DRC4: variants seen among roughly 807,000 people sequenced by gnomAD.
DRC4 encodes the protein GAS-11.
the DRC4 span, among the ~76,000 whole-genome samples, chr16:90,041,539 C>A: frequency 6.6e-6 from 1 of 152,188 alleles, no homozygotes. Context: ...GGCGCGGTGG[C>A]TCACGCCTGT....
the DRC4 span, chr16:90,037,549 G>C: frequency 2.7e-6 from 3 of 1,091,688 alleles, no homozygotes; most frequent in Non-Finnish European, 4.0e-6. Context: ...GTGTTCTCCT[G>C]GGGAAAGTAA....
the DRC4 span, chr16:90,042,563 G>A: frequency 2.5e-6 from 4 of 1,599,604 alleles, no homozygotes; most frequent in African/African-American, 1.3e-5. Flanking sequence ...CCTCCCTCAG[G>A]GGCACCCCCT....
chr16:90,043,860 G>A, the DRC4 span: 2 of 464,642 alleles, frequency 4.3e-6, no homozygotes, highest in South Asian at 1.6e-5. Context: ...GGGCTGGGTG[G>A]GTGCAGCCAG....
chr16:90,042,169 CAA>C, the DRC4 span: 1 of 477,418 alleles, frequency 2.1e-6, no homozygotes, highest in Non-Finnish European at 4.1e-6. Flanking sequence ...CTCCTGACCT[CAA>C]GTGATCTGCC....
chr16:90,031,087 T>G, the DRC4 span: 32 of 1,123,516 alleles, frequency 2.8e-5, no homozygotes, highest in Non-Finnish European at 3.7e-5. Flanking sequence ...TTTATGATTA[T>G]TGGCCAAATT....
the DRC4 span, chr16:90,042,223 G>T: frequency 1.8e-6 from 1 of 556,368 alleles, no homozygotes; most frequent in African/African-American, 1.9e-5. Flanking sequence ...GGTGTGAGCG[G>T]CAGTGCCTGG....
chr16:90,043,140 CTGG>C, the DRC4 span: 1 of 1,564,230 alleles, frequency 6.4e-7, no homozygotes, highest in Non-Finnish European at 8.7e-7. Flanking sequence ...GCACTCAGCT[CTGG>C]TGGTCCTGAG....
At chr16:90,027,761 G>T in the DRC4 span, 23 of 1,567,642 alleles carry the variant, frequency 1.5e-5, no homozygotes, top group East Asian at 1.8e-4. Context: ...CCGGGTGGGC[G>T]TGGGCGGGCA....
the DRC4 span, chr16:90,033,067 A>T: frequency 2.4e-6 from 2 of 842,418 alleles, no homozygotes; most frequent in African/African-American, 3.4e-5. Flanking sequence ...TTGTTGAAAA[A>T]AAATTTTTTA....
At chr16:90,026,173 C>T in the DRC4 span, among the ~76,000 whole-genome samples, 21,776 of 152,016 alleles carry the variant, frequency 0.14, 2,568 homozygotes, top group East Asian at 0.62. Context: ...CTGAAGACTA[C>T]TGGGAGTAGC....
the DRC4 span, among the ~76,000 whole-genome samples, chr16:90,027,234 CACCG>C: frequency 6.6e-6 from 1 of 151,942 alleles, no homozygotes; most frequent in African/African-American, 2.4e-5. Context: ...TACAGGCGCC[CACCG>C]GCACGCCCGG....
the DRC4 span, chr16:90,043,096 C>T: frequency 2.2e-6 from 3 of 1,347,844 alleles, no homozygotes; most frequent in East Asian, 2.4e-5. Context: ...TATCCTTCTG[C>T]ACCGTGATGC....
chr16:90,041,961 G>A, the DRC4 span, among the ~76,000 whole-genome samples: 23 of 152,042 alleles, frequency 1.5e-4, no homozygotes, highest in South Asian at 2.1e-4. Flanking sequence ...TTCTTGAGAC[G>A]GTGTCTTGCT....
chr16:90,024,403 A>C, the DRC4 span, among the ~76,000 whole-genome samples: 2 of 152,212 alleles, frequency 1.3e-5, no homozygotes, highest in Non-Finnish European at 2.9e-5. Flanking sequence ...CGTGGGGCAG[A>C]GGGAGATCTG....
chr16:90,028,873 G>T, the DRC4 span: 1 of 1,119,892 alleles, frequency 8.9e-7, no homozygotes, highest in Non-Finnish European at 1.2e-6. Flanking sequence ...AGAGTCTCAT[G>T]ACCTGAAGTT....
the DRC4 span, chr16:90,043,575 G>C: frequency 1.7e-6 from 1 of 598,012 alleles, no homozygotes; most frequent in South Asian, 1.8e-5. Context: ...CGTCCAGCCT[G>C]TGTCCAGGCC....
the DRC4 span, chr16:90,043,590 C>A: frequency 1.6e-6 from 1 of 611,244 alleles, no homozygotes; most frequent in South Asian, 1.7e-5. Context: ...CAGGCCTACT[C>A]CCTGGTCTCA....
the DRC4 span, among the ~76,000 whole-genome samples, chr16:90,026,316 T>C: frequency 6.6e-6 from 1 of 152,112 alleles, no homozygotes; most frequent in Non-Finnish European, 1.5e-5. Flanking sequence ...TAGAAGGTTC[T>C]CTCCCATCCT....
chr16:90,019,775 G>T, the DRC4 span: 1 of 692,012 alleles, frequency 1.4e-6, no homozygotes, highest in Admixed American at 2.1e-5. This position sits in a 1 kb window ranked among gnomAD's most constrained non-coding sequence, Gnocchi z 6.1. Flanking sequence ...CCAGGTACTT[G>T]CGTGTGGGGC....
Sources: gnomAD v4.1 joint callset for allele counts (sites outside exome capture counted in the v4.1 genomes callset) on GRCh38, gnomAD v4.1.1 for gene constraint, Gnocchi (gnomAD v3.1) non-coding constraint, MANE v1.5 for transcripts, NCBI Gene and HGNC (gene_info 2026-07-23, HGNC 2026-07-21) for gene names.